NRP1: variants seen among roughly 807,000 people sequenced by gnomAD.
NRP1 encodes neuropilin 1.
In NRP1, 35 loss-of-function variants were observed where a neutral mutation model predicts 106.7. The observed-to-expected ratio is 0.33, with a 90% confidence interval of 0.25 to 0.43. NRP1 has a LOEUF of 0.43. Ranked by LOEUF, NRP1 falls within the 20% of genes least tolerant of loss-of-function variation. NRP1 has a pLI of 1.00. For synonymous variants in NRP1, 437 were observed against 417.9 expected (o/e 1.05, Z -0.56); for missense variants, 1,024 against 1,170.4 (o/e 0.87, Z 1.83).
At chr10:33,196,312 A>G (rs1349431209) in intron 12 of NRP1, among the ~76,000 whole-genome samples, 1 of 152,168 alleles carries the variant, frequency 6.6e-6, no homozygotes, top group Non-Finnish European at 1.5e-5. Flanking sequence ...TGTTTGTTAT[A>G]TGATCAGAAC....
At chr10:33,269,879 G>C (rs915202390) in intron 3 of NRP1, among the ~76,000 whole-genome samples, 1 of 152,184 alleles carries the variant, frequency 6.6e-6, no homozygotes, top group Non-Finnish European at 1.5e-5. Flanking sequence ...ATATGGGACC[G>C]TCTGGTTGCA....
At chr10:33,189,532 A>T (rs1033061815) in intron 13 of NRP1, among the ~76,000 whole-genome samples, 3 of 152,158 alleles carry the variant, frequency 2.0e-5, no homozygotes, top group African/African-American at 7.2e-5. Context: ...CTCTTCCTTT[A>T]CACGTGTATT....
chr10:33,203,268 C>A (rs1483947998), intron 10 of NRP1, among the ~76,000 whole-genome samples: 3 of 152,224 alleles, frequency 2.0e-5, no homozygotes, highest in South Asian at 2.1e-4. Context: ...AAACATCCTT[C>A]TTCTGAAAAG....
chr10:33,298,795 A>G (rs1845596099), intron 2 of NRP1, among the ~76,000 whole-genome samples: 1 of 152,202 alleles, frequency 6.6e-6, no homozygotes. Context: ...GATTATATTT[A>G]CACGCATACC....
chr10:33,197,304 T>C (rs1282082479), intron 12 of NRP1, among the ~76,000 whole-genome samples: 1 of 152,040 alleles, frequency 6.6e-6, no homozygotes, highest in Non-Finnish European at 1.5e-5. Flanking sequence ...GGGATGAAAA[T>C]AAATAGTCGG....
chr10:33,260,704 G>A (rs1243212479), intron 4 of NRP1, among the ~76,000 whole-genome samples: 1 of 152,202 alleles, frequency 6.6e-6, no homozygotes, highest in Non-Finnish European at 1.5e-5. Context: ...GTGATAGATG[G>A]AGATGTGTGA....
intron 2 of NRP1, among the ~76,000 whole-genome samples, chr10:33,320,035 G>C (rs1306824020): frequency 6.6e-6 from 1 of 151,672 alleles, no homozygotes; most frequent in African/African-American, 2.4e-5. Context: ...CTCCGGGGCC[G>C]GGCGTGGTGG....
At chr10:33,323,448 T>C (rs889663384) in intron 2 of NRP1, among the ~76,000 whole-genome samples, 1 of 152,074 alleles carries the variant, frequency 6.6e-6, no homozygotes, top group Non-Finnish European at 1.5e-5. Flanking sequence ...ATATTCTGTT[T>C]GTTTTTTTTT....
intron 3 of NRP1, among the ~76,000 whole-genome samples, chr10:33,268,180 A>G (rs1279744208): frequency 1.3e-5 from 2 of 152,200 alleles, no homozygotes; most frequent in Non-Finnish European, 2.9e-5. Context: ...GTTTTCATAA[A>G]TGAATTATAT....
intron 2 of NRP1, among the ~76,000 whole-genome samples, chr10:33,328,889 A>G (rs1488372335): frequency 6.6e-6 from 1 of 152,228 alleles, no homozygotes; most frequent in Non-Finnish European, 1.5e-5. Context: ...ATTGATGGTC[A>G]TGATTTCCAG....
At chr10:33,231,609 A>T (rs768427085) in intron 6 of NRP1, among the ~76,000 whole-genome samples, 1 of 152,220 alleles carries the variant, frequency 6.6e-6, no homozygotes, top group Non-Finnish European at 1.5e-5. Context: ...TAACATTATC[A>T]GCGGGCATTT....
intron 11 of NRP1, 177 bp downstream of exon 11, chr10:33,202,714 A>G (rs1837435588): frequency 1.3e-6 from 2 of 1,552,506 alleles, no homozygotes; most frequent in Non-Finnish European, 1.7e-6. Flanking sequence ...ATTAAGAACA[A>G]CTCATCTATC....
At chr10:33,256,217 AC>A in intron 5 of NRP1, 98 bp downstream of exon 5, 1 of 1,234,470 alleles carries the variant, frequency 8.1e-7, no homozygotes, top group Non-Finnish European at 1.1e-6. Context: ...ACCCCAGTTC[AC>A]AAAACATTTC....
At chr10:33,207,937 AT>A (rs1024496213) in intron 9 of NRP1, among the ~76,000 whole-genome samples, 7 of 151,978 alleles carry the variant, frequency 4.6e-5, no homozygotes, top group Non-Finnish European at 1.0e-4. Context: ...CATTATTATT[AT>A]TTTTTGAGAT....
intron 11 of NRP1, chr10:33,201,210 C>T (rs1837278308): frequency 6.6e-6 from 1 of 152,224 alleles, no homozygotes; most frequent in African/African-American, 2.4e-5. Context: ...TCCAGGCTAA[C>T]ATACTCGCCC....
At chr10:33,287,528 A>G (rs2132601522) in intron 2 of NRP1, among the ~76,000 whole-genome samples, 1 of 152,334 alleles carries the variant, frequency 6.6e-6, no homozygotes, top group East Asian at 1.9e-4. Flanking sequence ...GCTTGTCATT[A>G]TTTTAGAAGC....
intron 6 of NRP1, among the ~76,000 whole-genome samples, chr10:33,246,712 T>C (rs1022056208): frequency 6.6e-6 from 1 of 152,182 alleles, no homozygotes; most frequent in African/African-American, 2.4e-5. Flanking sequence ...GGTAACCCAG[T>C]GAGCTATTTT....
chr10:33,243,213 C>A (rs7920741), intron 6 of NRP1, among the ~76,000 whole-genome samples: 9 of 151,972 alleles, frequency 5.9e-5, no homozygotes, highest in African/African-American at 2.2e-4. Flanking sequence ...CCAACCTGAA[C>A]GATTATTTGA....
chr10:33,262,001 G>A (rs553223437), intron 4 of NRP1, among the ~76,000 whole-genome samples: 3 of 152,328 alleles, frequency 2.0e-5, no homozygotes, highest in African/African-American at 7.2e-5. Context: ...CTCCCAAAGT[G>A]TTGGGATTAC....
Sources: gnomAD v4.1 joint callset for allele counts (sites outside exome capture counted in the v4.1 genomes callset) on GRCh38, gnomAD v4.1.1 for gene constraint, MANE v1.5 for transcripts, NCBI Gene and HGNC (gene_info 2026-07-23, HGNC 2026-07-21) for gene names.